Variants in FREM1 observed in about 807,000 individuals in gnomAD.
The protein encoded by FREM1 is FRAS1-related extracellular matrix protein 1.
A neutral mutation model predicts 210.1 loss-of-function variants in FREM1; 220 were observed. The ratio of observed to expected loss-of-function variants is 1.05; its 90% CI spans 0.94 to 1.17. The LOEUF (loss-of-function observed/expected upper bound fraction) is 1.17, where lower values mean the gene tolerates loss of function less well. Ranked by LOEUF, FREM1 falls within the 50% of genes most tolerant of loss-of-function variation. The pLI is 0.00. For missense variants in FREM1, 3,454 were observed against 2,675.5 expected (o/e 1.29, Z -6.42); for synonymous variants, 1,189 against 980.2 (o/e 1.21, Z -3.98).
Position 14,795,586 on chromosome 9 carries a change from G to A in FREM1, c.3839+1912C>T, listed in dbSNP as rs116463887. Among the ~76,000 whole-genome samples the A allele has an allele frequency of 9.0e-3, 1,370 of 152,270 alleles. 35 individuals carry two copies. Among genetic ancestry groups the A allele is most frequent in the African/African-American group, 0.031 (1,290 of 41,564 alleles). On this transcript the variant is annotated intron_variant, in intron 21 of 36. Coordinates refer to ENST00000380880, the MANE Select transcript of FREM1 (RefSeq NM_001379081.2). The stretch of plus-strand genomic sequence containing the variant: ...GGAAAGAGGAAGCACAGAAAAGGGA[G>A]GGTTTTTGAAGCAGGGTTGAAGGAG...
At position 14,806,821 on chromosome 9, in the gene FREM1, G is replaced by A. The variant is rs765109399; in HGVS notation, c.3114C>T (p.Gly1038=). 5.0e-6 allele frequency: 8 copies of A among 1,603,710 alleles called. No individual in the cohort carries two copies. Among genetic ancestry groups the A allele is most frequent in the Non-Finnish European group, 6.8e-6 (8 of 1,174,398 alleles). Residue 1038 remains glycine (G), a synonymous_variant, in exon 18 of 37, where the codon GGC becomes GGT. Coordinates refer to ENST00000380880, the MANE Select transcript of FREM1 (RefSeq NM_001379081.2). ...GGTTAACAGTAAGGGCTGTTGAGCA[G>A]CCCTCATCTACAACAAACACGGGAC... ...AIGPVFVVDE[G]CSTALTVNHL... is the part of the protein sequence containing the mutation.
At chr9:14,789,156 T>G in intron 22 of FREM1, 42 bp from the exon 23 acceptor site, 1 of 1,414,488 alleles carries the variant, frequency 7.1e-7, no homozygotes, top group East Asian at 2.5e-5. Context: ...TGGTTTTTTC[T>G]TTTCCCCCAA....
At chr9:14,844,286 C>T (rs1340787985) in intron 8 of FREM1, among the ~76,000 whole-genome samples, 5 of 150,334 alleles carry the variant, frequency 3.3e-5, no homozygotes, top group East Asian at 2.0e-4. Context: ...AGTGCAGTGG[C>T]GTGATCTCAG....
intron 27 of FREM1, among the ~76,000 whole-genome samples, chr9:14,760,376 A>C (rs1451421303): frequency 1.3e-5 from 2 of 152,226 alleles, no homozygotes; most frequent in Non-Finnish European, 2.9e-5. Context: ...GTTCAGTTTA[A>C]TAACAAAATA....
At position 14,848,769 on chromosome 9, in the gene FREM1, T is replaced by G. The variant is rs545954015; in HGVS notation, c.1157A>C (p.Glu386Ala). ...AAAGAAGAAGTCGTATACCTCCAAT[T>G]CTACCTGTAAACAAACAGAGGCAAA... is the stretch of plus-strand genomic sequence containing the variant. ...SHSERRHDEV[E>A]LEVYDFFFER... Residue 386 changes from glutamate (E) to alanine (A), a missense_variant, in exon 7 of 37, where the codon GAA becomes GCA. Physicochemically the swap from Glu to Ala is moderately radical, Grantham distance 107. Transcript: ENST00000380880. 21 of 1,598,812 alleles carry G rather than the reference T, an allele frequency of 1.3e-5. No homozygotes were observed. The East Asian group carries it at 4.5e-4, about 34-fold the overall frequency.
At position 14,848,735 on chromosome 9, in the gene FREM1, A is replaced by G; in HGVS notation, c.1191T>C (p.Ser397=). The G allele has an allele frequency of 6.2e-7, 1 of 1,612,930 alleles. No individual in the cohort carries two copies. Among genetic ancestry groups the G allele is most frequent in the Non-Finnish European group, 8.5e-7 (1 of 1,179,176 alleles). The change falls in exon 7 of 37, where the codon AGT becomes AGC. Residue 397 remains serine (S), a synonymous_variant. Transcript: ENST00000380880. ...LEVYDFFFER[S]APMTVHISIR... is the part of the protein sequence containing the mutation. ...TGGAGATGTGGACTGTCATAGGTGCACTCCTTTCAAAGAAGAAGTCGTATA... is the reference window on the plus strand; with the variant it reads ...TGGAGATGTGGACTGTCATAGGTGCGCTCCTTTCAAAGAAGAAGTCGTATA...
intron 16 of FREM1, among the ~76,000 whole-genome samples, chr9:14,810,316 C>G (rs961340997): frequency 1.3e-5 from 2 of 152,094 alleles, no homozygotes; most frequent in Admixed American, 1.3e-4. Context: ...GATATATTTA[C>G]AGAAATAGCT....
intron 24 of FREM1, chr9:14,779,327 G>T: frequency 4.5e-6 from 1 of 222,122 alleles, no homozygotes; most frequent in Non-Finnish European, 7.6e-6. Context: ...CAAAGGACGT[G>T]TATTTTTAGC....
intron 3 of FREM1, among the ~76,000 whole-genome samples, chr9:14,861,250 TAC>T (rs1220712088): frequency 1.5e-5 from 1 of 66,144 alleles, no homozygotes; most frequent in East Asian, 9.2e-4. Flanking sequence ...CACACATATA[TAC>T]ATATATACAC....
At chr9:14,765,198 G>C (rs915357859) in intron 27 of FREM1, among the ~76,000 whole-genome samples, 1 of 152,158 alleles carries the variant, frequency 6.6e-6, no homozygotes, top group Non-Finnish European at 1.5e-5. Context: ...TCAATTCATA[G>C]ATGATGCTAT....
chr9:14,825,547 G>GTGTGTGTATATATATATA, intron 10 of FREM1, among the ~76,000 whole-genome samples: 939 of 75,722 alleles, frequency 0.012, 18 homozygotes, highest in Non-Finnish European at 0.019. Flanking sequence ...GTGTGTGTGT[G>GTGTGTGTATATATATATA]TATATATATA....
chr9:14,835,368 A>C (rs1353731844), intron 10 of FREM1, among the ~76,000 whole-genome samples: 1 of 152,252 alleles, frequency 6.6e-6, no homozygotes, highest in Non-Finnish European at 1.5e-5. Flanking sequence ...TGTTTGCATC[A>C]GTGCAATAAG....
intron 16 of FREM1, among the ~76,000 whole-genome samples, chr9:14,808,999 C>A (rs1485592436): frequency 6.6e-6 from 1 of 152,200 alleles, no homozygotes; most frequent in African/African-American, 2.4e-5. Flanking sequence ...TGTTCCCCCG[C>A]TCAAATCTCA....
chr9:14,760,288 G>T, intron 27 of FREM1, among the ~76,000 whole-genome samples: 1 of 152,190 alleles, frequency 6.6e-6, no homozygotes, highest in South Asian at 2.1e-4. Flanking sequence ...CTGATAGGAA[G>T]TCTTCTATCT....
At chr9:14,803,666 GC>G (rs1817774428) in intron 19 of FREM1, among the ~76,000 whole-genome samples, 1 of 152,124 alleles carries the variant, frequency 6.6e-6, no homozygotes. Flanking sequence ...ACCATGCCTG[GC>G]CTAAAGCATC....
At chr9:14,861,757 T>G (rs935249574) in intron 3 of FREM1, among the ~76,000 whole-genome samples, 3 of 152,192 alleles carry the variant, frequency 2.0e-5, no homozygotes, top group Non-Finnish European at 4.4e-5. Flanking sequence ...TCTGCCCACC[T>G]TAGCCTCCCA....
At chr9:14,870,144 T>C (rs757308981) in intron 1 of FREM1, among the ~76,000 whole-genome samples, 2 of 152,226 alleles carry the variant, frequency 1.3e-5, no homozygotes, top group Non-Finnish European at 2.9e-5. Context: ...CCTTCCATGT[T>C]AATAATTTCA....
intron 3 of FREM1, among the ~76,000 whole-genome samples, chr9:14,860,782 CATATATACATATATACACATATAT>C (rs1564101550): frequency 1.3e-5 from 1 of 75,758 alleles, no homozygotes; most frequent in Admixed American, 1.4e-4. Context: ...CACATATATA[CATATATACATATATACACATATAT>C]ACATATATAC....
intron 1 of FREM1, among the ~76,000 whole-genome samples, chr9:14,901,430 A>G (rs1452967422): frequency 1.3e-5 from 2 of 152,194 alleles, no homozygotes; most frequent in Non-Finnish European, 2.9e-5. Context: ...ATTCTTTGAC[A>G]TGTTCATGGA....
Sources: allele counts gnomAD v4.1 joint callset (sites outside exome capture counted in the v4.1 genomes callset), GRCh38; gene constraint gnomAD v4.1.1; transcripts MANE v1.5; gene names NCBI Gene and HGNC (gene_info 2026-07-23, HGNC 2026-07-21).